The following PIK3R3 variants were observed in gnomAD, a reference collection of about 807,000 sequenced individuals.
PIK3R3 encodes phosphoinositide-3-kinase regulatory subunit 3.
A neutral mutation model predicts 62.9 loss-of-function variants in PIK3R3; 64 were observed. The observed-to-expected ratio is 1.02, with a 90% CI of 0.83 to 1.25. The LOEUF is 1.25. Ranked by LOEUF, PIK3R3 falls within the 50% of genes most tolerant of loss-of-function variation. The pLI, the probability that PIK3R3 is intolerant of heterozygous loss-of-function variation, is 0.00. For missense variants in PIK3R3, 614 were observed against 561.6 expected, an observed-to-expected ratio of 1.09 and a Z score of -0.94; for synonymous variants, 165 against 189.0, an observed-to-expected ratio of 0.87 and a Z score of 1.04.
At chr1:46,107,553 TCAAAACAAAA>T (rs767831974) in intron 1 of PIK3R3, among the ~76,000 whole-genome samples, 1 of 152,044 alleles carries the variant, frequency 6.6e-6, no homozygotes, top group Non-Finnish European at 1.5e-5. Context: ...AGACTCCATC[TCAAAACAAAA>T]CAAAACAAAA....
intron 1 of PIK3R3, among the ~76,000 whole-genome samples, chr1:46,095,664 G>GTAGAAGGAAAAAAACAAT (rs1652052226): frequency 1.3e-5 from 2 of 151,980 alleles, no homozygotes; most frequent in Non-Finnish European, 2.9e-5. Context: ...GAACTTAAAA[G>GTAGAAGGAAAAAAACAAT]TAGAAGGAAA....
At chr1:46,130,785 G>T (rs760416416) in intron 1 of PIK3R3, among the ~76,000 whole-genome samples, 2 of 152,028 alleles carry the variant, frequency 1.3e-5, no homozygotes, top group Non-Finnish European at 2.9e-5. Context: ...ATTCATCCTC[G>T]ACAGAAACAA....
intron 1 of PIK3R3, among the ~76,000 whole-genome samples, chr1:46,108,374 A>C (rs1653407539): frequency 6.6e-6 from 1 of 152,210 alleles, no homozygotes; most frequent in South Asian, 2.1e-4. Flanking sequence ...GGATCAATCC[A>C]ACTGCCTGCT....
the PIK3R3 span, among the ~76,000 whole-genome samples, chr1:46,173,299 G>A: frequency 1.3e-5 from 2 of 152,322 alleles, no homozygotes; most frequent in East Asian, 3.9e-4. Context: ...ACCTCCTCAC[G>A]ATTTAATGAA....
chr1:46,146,375 A>G, the PIK3R3 span, among the ~76,000 whole-genome samples: 1 of 152,234 alleles, frequency 6.6e-6, no homozygotes, highest in Non-Finnish European at 1.5e-5. Flanking sequence ...CAGTCTATAC[A>G]TTTTACCTCC....
chr1:46,087,399 A>G (rs1651174714), intron 1 of PIK3R3, among the ~76,000 whole-genome samples: 2 of 151,978 alleles, frequency 1.3e-5, no homozygotes, highest in South Asian at 4.1e-4. Context: ...CTATATTGAA[A>G]ACGGCATAAC....
At chr1:46,100,331 C>A (rs1450556632) in intron 1 of PIK3R3, among the ~76,000 whole-genome samples, 1 of 152,084 alleles carries the variant, frequency 6.6e-6, no homozygotes, top group East Asian at 1.9e-4. Context: ...AAGTAGAAAT[C>A]TCATTTTATT....
chr1:46,148,200 C>T, the PIK3R3 span, among the ~76,000 whole-genome samples: 1,983 of 152,216 alleles, frequency 0.013, 29 homozygotes, highest in Middle Eastern at 0.034. Context: ...ACTTCAGGCT[C>T]GAGTCTTCCA....
chr1:46,153,304 T>G, the PIK3R3 span, among the ~76,000 whole-genome samples: 1 of 152,208 alleles, frequency 6.6e-6, no homozygotes, highest in Non-Finnish European at 1.5e-5. Flanking sequence ...TAACCCTACC[T>G]CAAAGTGTCC....
intron 2 of PIK3R3, among the ~76,000 whole-genome samples, chr1:46,078,401 G>A (rs776567087): frequency 2.6e-5 from 4 of 152,126 alleles, no homozygotes; most frequent in Admixed American, 6.6e-5. Context: ...GCCGGACGTG[G>A]TGGCAGGGCA....
At chr1:46,130,344 G>A (rs189052313) in intron 1 of PIK3R3, among the ~76,000 whole-genome samples, 1 of 152,062 alleles carries the variant, frequency 6.6e-6, no homozygotes, top group Non-Finnish European at 1.5e-5. Context: ...ATGCTTTACC[G>A]TTAGGGGGAA....
the PIK3R3 span, among the ~76,000 whole-genome samples, chr1:46,172,747 C>G: frequency 6.6e-6 from 1 of 152,158 alleles, no homozygotes; most frequent in Non-Finnish European, 1.5e-5. Context: ...AATCCCTGCA[C>G]TTTGGAAGAC....
At position 46,066,113 on chromosome 1, in the gene PIK3R3, A is replaced by C. The variant is rs1183781453; in HGVS notation, c.562T>G (p.Tyr188Asp). Residue 188 changes from tyrosine to aspartate, a missense_variant, in exon 5 of 10, where the codon TAT (tyrosine) becomes GAT (aspartate). By Grantham distance (160) the Tyr-to-Asp change is radical. Coordinates refer to ENST00000262741, the MANE Select transcript of PIK3R3 (RefSeq NM_003629.4). ...GKKLQEYHSQ[Y>D]QEKSKEYDRL... ...TCATACTCTTTACTCTTCTCCTGAT[A>C]CTGAGAGTGGTATTCTTGCAGTTTT... The C allele has an allele frequency of 6.3e-7, 1 of 1,598,990 alleles. No homozygotes were observed. Among genetic ancestry groups the C allele is most frequent in the African/African-American group, 1.3e-5 (1 of 74,610 alleles).
At chr1:46,127,060 C>T (rs1244698717) in intron 1 of PIK3R3, among the ~76,000 whole-genome samples, 1 of 151,550 alleles carries the variant, frequency 6.6e-6, no homozygotes, top group Admixed American at 6.6e-5. Context: ...TTAGGCTGGG[C>T]ACGGTGGCTC....
the PIK3R3 span, among the ~76,000 whole-genome samples, chr1:46,150,040 T>C: frequency 6.6e-6 from 1 of 152,336 alleles, no homozygotes; most frequent in East Asian, 1.9e-4. Flanking sequence ...TATCCAAAGA[T>C]AATGCCATTA....
chr1:46,080,568 GTTTAC>G (rs921587403), intron 2 of PIK3R3, 69 bp downstream of exon 2: 10 of 1,009,400 alleles, frequency 9.9e-6, no homozygotes, highest in African/African-American at 1.6e-5. Flanking sequence ...GCTTAAAATG[GTTTAC>G]TTTAACTACT....
intron 1 of PIK3R3, among the ~76,000 whole-genome samples, chr1:46,088,428 A>G (rs569092578): frequency 6.8e-6 from 1 of 146,130 alleles, no homozygotes; most frequent in Non-Finnish European, 1.6e-5. Context: ...CAAAGACAGC[A>G]TAATATCTCA....
intron 5 of PIK3R3, 30 bp downstream of exon 5, chr1:46,066,022 CAT>C (rs1557572530): frequency 6.3e-7 from 1 of 1,587,104 alleles, no homozygotes; most frequent in Admixed American, 1.7e-5. Flanking sequence ...ACATTGCACA[CAT>C]ATTAGTCAAA....
chr1:46,114,957 C>T lies in PIK3R3; in HGVS notation c.106+16890G>A, dbSNP rs576401422. On this transcript the variant is annotated intron_variant, in intron 1 of 9. Transcript: ENST00000262741. ...AAGTCCTCCAGGTAGTTCTAATGCA[C>T]ACTCAAGTTTAAAAGCCACTGGTCT... Among the ~76,000 whole-genome samples, 11 of 152,026 alleles carry T rather than the reference C, an allele frequency of 7.2e-5. No individual in the cohort carries two copies. The East Asian group carries it at 2.1e-3, about 29-fold the overall frequency.
Sources: gnomAD v4.1 joint callset for allele counts (sites outside exome capture counted in the v4.1 genomes callset) on GRCh38, gnomAD v4.1.1 for gene constraint, MANE v1.5 for transcripts, NCBI Gene and HGNC (gene_info 2026-07-23, HGNC 2026-07-21) for gene names.